Variants in NUBPL observed in about 807,000 individuals in gnomAD.
NUBPL encodes the protein NUBP iron-sulfur cluster assembly factor, mitochondrial.
A neutral mutation model predicts 45.7 loss-of-function variants in NUBPL; 31 were observed. That is an observed-to-expected ratio of 0.68 (90% CI 0.51 to 0.92). The LOEUF (loss-of-function observed/expected upper bound fraction) is 0.92. NUBPL is among the 40% of genes least tolerant of loss of function. NUBPL has a pLI of 0.00. For missense variants in NUBPL, 401 were observed against 398.7 expected, an observed-to-expected ratio of 1.01 and a Z score of -0.05; for synonymous variants, 144 against 140.9, an observed-to-expected ratio of 1.02 and a Z score of -0.15.
intron 7 of NUBPL, among the ~76,000 whole-genome samples, chr14:31,799,780 G>A (rs2039549091): frequency 6.6e-6 from 1 of 152,180 alleles, no homozygotes; most frequent in Non-Finnish European, 1.5e-5. Flanking sequence ...AGTGATCAGG[G>A]TGGCAGTTGC....
In NUBPL at chr14:31,859,125, C is replaced by G. The variant is rs2040671896; in HGVS notation, c.905C>G (p.Ala302Gly). ...FSQPESDEAK[A>G]YLRIAVEVVR... ...AAGTTTGTTCTTTTCCAGGCCAAAG[C>G]TTACTTGAGGATTGCTGTGGAAGTG... The change falls in exon 11 of 11, where the codon GCT (alanine) becomes GGT (glycine). Residue 302 changes from alanine to glycine, a missense_variant. By Grantham distance (60) the Ala-to-Gly change is moderately conservative. Transcript: ENST00000281081. 1 of 1,613,594 alleles carries G rather than the reference C, an allele frequency of 6.2e-7. No homozygotes were observed. Among genetic ancestry groups the G allele is most frequent in the Non-Finnish European group, 8.5e-7 (1 of 1,179,760 alleles).
chr14:31,580,158 T>C (rs961328839), intron 3 of NUBPL, among the ~76,000 whole-genome samples: 2 of 152,264 alleles, frequency 1.3e-5, no homozygotes, highest in African/African-American at 4.8e-5. Flanking sequence ...AAGATTTTAC[T>C]GAGTACTTTA....
intron 3 of NUBPL, among the ~76,000 whole-genome samples, chr14:31,598,349 C>T (rs891481093): frequency 4.0e-5 from 6 of 151,772 alleles, no homozygotes; most frequent in East Asian, 3.9e-4. Context: ...AAAATTTTGT[C>T]GAGGGGTTAC....
chr14:31,694,178 A>G (rs1301427126), intron 6 of NUBPL, among the ~76,000 whole-genome samples: 1 of 152,060 alleles, frequency 6.6e-6, no homozygotes, highest in Non-Finnish European at 1.5e-5. Context: ...CTTTCTATAT[A>G]ATATAGTTCA....
intron 4 of NUBPL, among the ~76,000 whole-genome samples, chr14:31,639,888 C>A (rs1469000614): frequency 6.6e-6 from 1 of 152,004 alleles, no homozygotes; most frequent in South Asian, 2.1e-4. Context: ...GGGATTATAT[C>A]CAGGTGCGGG....
chr14:31,786,553 C>A (rs185651686), intron 6 of NUBPL, among the ~76,000 whole-genome samples: 3 of 152,300 alleles, frequency 2.0e-5, no homozygotes, highest in Non-Finnish European at 4.4e-5. Flanking sequence ...TGCCTGATAT[C>A]TCTGTCTCTG....
At chr14:31,638,220 C>T (rs2035566269) in intron 4 of NUBPL, among the ~76,000 whole-genome samples, 1 of 152,040 alleles carries the variant, frequency 6.6e-6, no homozygotes, top group African/African-American at 2.4e-5. Flanking sequence ...TTTGCAGCAG[C>T]TAGTACCGGT....
intron 6 of NUBPL, among the ~76,000 whole-genome samples, chr14:31,758,062 A>G (rs1190648477): frequency 1.3e-5 from 2 of 152,114 alleles, no homozygotes; most frequent in African/African-American, 4.8e-5. Context: ...CACCATCACT[A>G]TCATCTTATC....
intron 4 of NUBPL, among the ~76,000 whole-genome samples, chr14:31,666,241 A>ATT (rs2036411163): frequency 4.2e-5 from 1 of 24,046 alleles, no homozygotes; most frequent in Non-Finnish European, 7.3e-5. Flanking sequence ...ATATATATAT[A>ATT]TATATATATA....
chr14:31,718,519 A>T (rs1458098308), intron 6 of NUBPL, among the ~76,000 whole-genome samples: 1 of 152,186 alleles, frequency 6.6e-6, no homozygotes, highest in African/African-American at 2.4e-5. Context: ...TTTAATATAC[A>T]TGTGGTTTCT....
chr14:31,688,652 G>GT (rs552419842), intron 6 of NUBPL, among the ~76,000 whole-genome samples: 21 of 99,140 alleles, frequency 2.1e-4, no homozygotes, highest in African/African-American at 6.4e-4. Flanking sequence ...ACAGGTTTTT[G>GT]TTGTTGTTTT....
At chr14:31,745,272 A>C (rs552079865) in intron 6 of NUBPL, among the ~76,000 whole-genome samples, 1 of 151,926 alleles carries the variant, frequency 6.6e-6, no homozygotes, top group Non-Finnish European at 1.5e-5. Context: ...TCATTGTTCA[A>C]TTCCCACCTA....
chr14:31,859,130 T>C lies in NUBPL; in HGVS notation c.910T>C (p.Leu304=), dbSNP rs1290520534. 1.2e-6 allele frequency: 2 copies of C among 1,613,880 alleles called. No individual in the cohort carries two copies. The highest frequency in any genetic ancestry group is 2.2e-5 in the East Asian group (1 of 44,812). ...QPESDEAKAY[L]RIAVEVVRRL... ...TGTTCTTTTCCAGGCCAAAGCTTAC[T>C]TGAGGATTGCTGTGGAAGTGGTAAG... Residue 304 remains leucine (L), a synonymous_variant, in exon 11 of 11, where the codon TTG becomes CTG. Coordinates refer to ENST00000281081, the MANE Select transcript of NUBPL (RefSeq NM_025152.3).
chr14:31,662,829 A>G (rs2036307234), intron 4 of NUBPL, among the ~76,000 whole-genome samples: 1 of 152,164 alleles, frequency 6.6e-6, no homozygotes, highest in African/African-American at 2.4e-5. Flanking sequence ...ATACCCAGTA[A>G]TGGGATTGCT....
At chr14:31,804,577 A>G (rs1270342178) in intron 7 of NUBPL, among the ~76,000 whole-genome samples, 1 of 152,130 alleles carries the variant, frequency 6.6e-6, no homozygotes, top group Non-Finnish European at 1.5e-5. Context: ...ATTCTGGTGC[A>G]AAAACAGGCA....
chr14:31,793,833 T>TCTCACCCAAGTG (rs2039429345), intron 7 of NUBPL, among the ~76,000 whole-genome samples: 1 of 130,086 alleles, frequency 7.7e-6, no homozygotes, highest in African/African-American at 4.3e-5. Flanking sequence ...TCTTTCTTTT[T>TCTCACCCAAGTG]TTTTTTTATT....
intron 4 of NUBPL, among the ~76,000 whole-genome samples, chr14:31,640,479 G>A (rs2035657495): frequency 6.6e-6 from 1 of 151,922 alleles, no homozygotes; most frequent in South Asian, 2.1e-4. Context: ...TTAGGGCATG[G>A]TGGTGAATAC....
At chr14:31,668,185 T>C (rs566899539) in intron 4 of NUBPL, among the ~76,000 whole-genome samples, 13 of 152,274 alleles carry the variant, frequency 8.5e-5, no homozygotes, top group Middle Eastern at 6.8e-3. Context: ...AGGTGCTCTG[T>C]CCCAGGGAGA....
chr14:31,821,876 A>G (rs2040023455), intron 7 of NUBPL, among the ~76,000 whole-genome samples: 1 of 152,244 alleles, frequency 6.6e-6, no homozygotes, highest in East Asian at 1.9e-4. Context: ...AGATCCTGTC[A>G]TTTGCAACAA....
Sources: gnomAD v4.1 joint callset for allele counts (sites outside exome capture counted in the v4.1 genomes callset) on GRCh38, gnomAD v4.1.1 for gene constraint, MANE v1.5 for transcripts, NCBI Gene and HGNC (gene_info 2026-07-23, HGNC 2026-07-21) for gene names.